The following AGBL1 variants were observed in gnomAD, a reference collection of about 807,000 sequenced individuals.
AGBL1 encodes AGBL carboxypeptidase 1, also known as cytosolic carboxypeptidase 4.
AGBL1 carries 130 observed loss-of-function variants against 118.9 expected under a neutral mutation model. The observed-to-expected ratio is 1.09, with a 90% CI of 0.95 to 1.26. The LOEUF (loss-of-function observed/expected upper bound fraction) is 1.26. Ranked by LOEUF, AGBL1 falls within the 50% of genes most tolerant of loss-of-function variation. The pLI is 0.00. For missense variants in AGBL1, 1,584 were observed against 1,298.1 expected, an observed-to-expected ratio of 1.22 and a Z score of -3.38; for synonymous variants, 555 against 478.9, an observed-to-expected ratio of 1.16 and a Z score of -2.08.
At chr15:86,687,806 T>C (rs899558491) in intron 22 of AGBL1, among the ~76,000 whole-genome samples, 3 of 152,184 alleles carry the variant, frequency 2.0e-5, no homozygotes. Context: ...TTTCTATTTA[T>C]AGCCCCTCGA....
At chr15:86,404,474 C>T (rs768894411) in intron 18 of AGBL1, among the ~76,000 whole-genome samples, 1 of 152,182 alleles carries the variant, frequency 6.6e-6, no homozygotes, top group Non-Finnish European at 1.5e-5. Flanking sequence ...AGGCCTTTTC[C>T]TTCCCATTTT....
At chr15:86,861,290 C>T (rs957891624) in intron 22 of AGBL1, among the ~76,000 whole-genome samples, 2 of 152,104 alleles carry the variant, frequency 1.3e-5, no homozygotes, top group African/African-American at 2.4e-5. Context: ...ATGATACCTG[C>T]CCTCAGAGAG....
intron 18 of AGBL1, among the ~76,000 whole-genome samples, chr15:86,471,946 A>G (rs962461553): frequency 6.6e-6 from 1 of 152,214 alleles, no homozygotes; most frequent in East Asian, 1.9e-4. Context: ...TGAGTAAACC[A>G]TAAATCCAAT....
intron 22 of AGBL1, among the ~76,000 whole-genome samples, chr15:86,788,816 G>T (rs1227843437): frequency 6.6e-6 from 1 of 152,308 alleles, no homozygotes; most frequent in East Asian, 1.9e-4. Flanking sequence ...AGCTATATGT[G>T]ATGAGAAAGA....
At chr15:86,204,010 G>GAC (rs1390660830) in intron 5 of AGBL1, among the ~76,000 whole-genome samples, 2 of 152,244 alleles carry the variant, frequency 1.3e-5, no homozygotes, top group Admixed American at 1.3e-4. Context: ...CACTTTACAT[G>GAC]ACACTCCTAG....
chr15:86,769,219 G>C (rs1267837892), intron 22 of AGBL1, among the ~76,000 whole-genome samples: 1 of 135,964 alleles, frequency 7.4e-6, no homozygotes, highest in East Asian at 2.3e-4. Context: ...GAGAGAGAGA[G>C]AGAGAGGAAA....
At chr15:86,167,914 A>G (rs2077364263) in intron 5 of AGBL1, among the ~76,000 whole-genome samples, 1 of 152,226 alleles carries the variant, frequency 6.6e-6, no homozygotes, top group African/African-American at 2.4e-5. Flanking sequence ...AAAGCTAATG[A>G]GAAAAATGAG....
At chr15:86,537,642 C>T (rs1400342220) in intron 19 of AGBL1, among the ~76,000 whole-genome samples, 1 of 152,222 alleles carries the variant, frequency 6.6e-6, no homozygotes, top group Non-Finnish European at 1.5e-5. Context: ...TGTTCTTCAT[C>T]ACTCGTCCAT....
At chr15:86,542,400 C>G (rs12912601) in intron 19 of AGBL1, among the ~76,000 whole-genome samples, 77,048 of 116,912 alleles carry the variant, frequency 0.66, 21,101 homozygotes, top group East Asian at 0.9. Flanking sequence ...GAGTTTTGTT[C>G]TTTTTGACCA....
chr15:86,385,561 A>G (rs953772237), intron 17 of AGBL1, among the ~76,000 whole-genome samples: 3 of 152,212 alleles, frequency 2.0e-5, no homozygotes, highest in Admixed American at 1.3e-4. Flanking sequence ...CTTCCCATAA[A>G]TACCTATTGG....
intron 20 of AGBL1, among the ~76,000 whole-genome samples, chr15:86,550,344 C>A (rs2083647420): frequency 6.6e-6 from 1 of 151,830 alleles, no homozygotes; most frequent in Admixed American, 6.6e-5. Context: ...GTTGTAAGAC[C>A]AGATTTAAAA....
At chr15:86,239,987 C>T (rs887767778) in intron 6 of AGBL1, among the ~76,000 whole-genome samples, 1 of 152,100 alleles carries the variant, frequency 6.6e-6, no homozygotes, top group African/African-American at 2.4e-5. Context: ...ATTGCTTTAT[C>T]AATTAAAAAT....
intron 18 of AGBL1, among the ~76,000 whole-genome samples, chr15:86,495,223 T>C (rs2082833678): frequency 6.6e-6 from 1 of 151,842 alleles, no homozygotes; most frequent in African/African-American, 2.4e-5. Flanking sequence ...TAATTTACAA[T>C]GTTTATATAG....
At chr15:86,355,260 C>T (rs901957825) in intron 17 of AGBL1, among the ~76,000 whole-genome samples, 1 of 152,080 alleles carries the variant, frequency 6.6e-6, no homozygotes, top group Non-Finnish European at 1.5e-5. Flanking sequence ...TATATATGTT[C>T]TTCTTTAGTG....
Position 86,912,447 on chromosome 15 carries a change from G to T in AGBL1, c.*5153G>T, listed in dbSNP as rs1404859387. On this transcript the variant is annotated 3_prime_UTR_variant, in exon 23 of 23. Coordinates refer to ENST00000614907, the MANE Select transcript of AGBL1 (RefSeq NM_001386094.1). ...ATATCATGCCAACTTGGCTGCCTGGGCTCTCCTTGCAATCCCATCAATAAG... is the reference window on the plus strand; with the variant it reads ...ATATCATGCCAACTTGGCTGCCTGGTCTCTCCTTGCAATCCCATCAATAAG... 1 of 152,148 alleles carries T rather than the reference G, an allele frequency of 6.6e-6. No individual in the cohort carries two copies. The highest frequency in any genetic ancestry group is 2.4e-5 in the African/African-American group (1 of 41,404). 9.4% of individuals were successfully genotyped at this position (152,148 alleles called of 1,614,324 possible). A position where few individuals can be genotyped will look rare whatever the true frequency, so the allele number is the denominator to read the frequency against.
chr15:86,934,268 G>T (rs1278238423), intron 23 of AGBL1, among the ~76,000 whole-genome samples: 1 of 152,112 alleles, frequency 6.6e-6, no homozygotes, highest in Non-Finnish European at 1.5e-5. Flanking sequence ...GGCAAAGTAG[G>T]GGCATCAAAT....
chr15:86,587,908 C>G (rs1240480798), intron 21 of AGBL1, among the ~76,000 whole-genome samples: 1 of 152,098 alleles, frequency 6.6e-6, no homozygotes, highest in Admixed American at 6.5e-5. Flanking sequence ...TAGTTCTTCC[C>G]CAGGCTCCAA....
intron 18 of AGBL1, among the ~76,000 whole-genome samples, chr15:86,495,498 T>C (rs1351689540): frequency 1.3e-5 from 2 of 151,874 alleles, no homozygotes; most frequent in Admixed American, 1.3e-4. Flanking sequence ...TATTTTCTTA[T>C]ATTTCTACAT....
intron 23 of AGBL1, among the ~76,000 whole-genome samples, chr15:86,966,172 G>C (rs185599078): frequency 6.6e-6 from 1 of 151,780 alleles, no homozygotes; most frequent in Admixed American, 6.6e-5. Context: ...AGGTATCAGG[G>C]ACTCTGTAGT....
Sources: gnomAD v4.1 joint callset for allele counts (sites outside exome capture counted in the v4.1 genomes callset) on GRCh38, gnomAD v4.1.1 for gene constraint, MANE v1.5 for transcripts, NCBI Gene and HGNC (gene_info 2026-07-23, HGNC 2026-07-21) for gene names.